Variants in DHX40 observed in about 807,000 individuals in gnomAD.
DHX40 encodes DEAH-box helicase 40.
DHX40 carries 28 observed loss-of-function variants against 89.6 expected under a neutral mutation model. The ratio of observed to expected loss-of-function variants is 0.31; its 90% CI spans 0.23 to 0.43. The LOEUF (loss-of-function observed/expected upper bound fraction) is 0.43, where lower values mean the gene tolerates loss of function less well. DHX40 is among the 20% of genes least tolerant of loss of function. The pLI, the probability that DHX40 is intolerant of heterozygous loss-of-function variation, is 1.00. For synonymous variants in DHX40, 226 were observed against 283.6 expected (o/e 0.80, Z 2.04); for missense variants, 457 against 844.0 (o/e 0.54, Z 5.68).
chr17:59,575,018 T>TG (rs2143233532), intron 6 of DHX40, among the ~76,000 whole-genome samples: 1 of 152,192 alleles, frequency 6.6e-6, no homozygotes, highest in Admixed American at 6.5e-5. Context: ...ATTTTGAAAT[T>TG]TAACCAAATG....
At position 59,573,829 on chromosome 17, in the gene DHX40, T is replaced by G; in HGVS notation, c.636T>G (p.Thr212=). Residue 212 remains threonine (T), a synonymous_variant, in exon 5 of 18, where the codon ACT becomes ACG. Transcript: ENST00000251241. ...EHLKVVVMSA[T]MELAKLSAFF... is the part of the protein sequence containing the mutation. The stretch of plus-strand genomic sequence containing the variant: ...TAAAAGTGGTGGTAATGTCAGCAAC[T>G]ATGGAATTAGCCAAGCTCTCTGCAT... 1 of 1,613,602 alleles carries G rather than the reference T, an allele frequency of 6.2e-7. No homozygotes were observed.
At chr17:59,590,703 C>A (rs2049070058) in intron 12 of DHX40, among the ~76,000 whole-genome samples, 1 of 151,752 alleles carries the variant, frequency 6.6e-6, no homozygotes, top group South Asian at 2.1e-4. Flanking sequence ...CTCCTGAGCT[C>A]AAGTGACCCA....
At chr17:59,600,536 G>A (rs905688495) in intron 14 of DHX40, among the ~76,000 whole-genome samples, 14 of 150,948 alleles carry the variant, frequency 9.3e-5, no homozygotes, top group Admixed American at 6.6e-4. Flanking sequence ...TCTTATTTTG[G>A]TAAAATAATT....
At chr17:59,601,524 T>A (rs1251035168) in intron 14 of DHX40, among the ~76,000 whole-genome samples, 1 of 152,180 alleles carries the variant, frequency 6.6e-6, no homozygotes, top group Non-Finnish European at 1.5e-5. Context: ...ATGTTGGATT[T>A]CAGTCTTTAA....
At chr17:59,569,722 T>TATATATATATATAAAAA (rs1488964961) in intron 2 of DHX40, among the ~76,000 whole-genome samples, 3 of 139,840 alleles carry the variant, frequency 2.1e-5, no homozygotes, top group Non-Finnish European at 4.5e-5. Context: ...TATATATATA[T>TATATATATATATAAAAA]ATAGATATAT....
intron 1 of DHX40, among the ~76,000 whole-genome samples, chr17:59,566,114 C>G (rs2048701276): frequency 6.6e-6 from 1 of 152,136 alleles, no homozygotes; most frequent in Admixed American, 6.5e-5. Context: ...GCCAGCCTGC[C>G]TTTGGGTACA....
intron 17 of DHX40, 127 bp downstream of exon 17, chr17:59,605,801 A>C (rs2030809253): frequency 1.1e-6 from 1 of 889,898 alleles, no homozygotes; most frequent in East Asian, 2.7e-5. Context: ...ATCTCTAGCA[A>C]AATAAAAATA....
At position 59,573,671 on chromosome 17, in the gene DHX40, G is replaced by A. The variant is rs1401201446; in HGVS notation, c.547-69G>A. ...AAATAGGAATTCCTTGGTTAGAATA[G>A]CAGTGTATCTAAAATAGTTTGGCTG... On this transcript the variant is annotated intron_variant, in intron 4 of 17. Coordinates refer to ENST00000251241, the MANE Select transcript of DHX40 (RefSeq NM_024612.5). The A allele has an allele frequency of 3.0e-5, 44 of 1,472,084 alleles. 1 individual carries two copies. The highest frequency in any genetic ancestry group is 2.6e-4 in the South Asian group (22 of 83,690). 91.2% of individuals were successfully genotyped at this position (1,472,084 alleles called of 1,614,324 possible). A position where few individuals can be genotyped will look rare whatever the true frequency, so the allele number is the denominator to read the frequency against.
At chr17:59,567,923 C>A (rs1055127220) in intron 2 of DHX40, among the ~76,000 whole-genome samples, 1 of 146,458 alleles carries the variant, frequency 6.8e-6, no homozygotes, top group Non-Finnish European at 1.5e-5. Context: ...CAGAGTGAGA[C>A]TCCGTCTCCA....
rs1356361614 is a variant in DHX40, at chr17:59,573,685, A to G, written c.547-55A>G. The stretch of plus-strand genomic sequence containing the variant: ...TGGTTAGAATAGCAGTGTATCTAAA[A>G]TAGTTTGGCTGTTAAGTGTACTTGT... On this transcript the variant is annotated intron_variant, in intron 4 of 17. Transcript: ENST00000251241. The G allele has an allele frequency of 2.6e-6, 4 of 1,561,196 alleles. No homozygotes were observed. In the African/African-American group the frequency reaches 5.5e-5, roughly 21 times the overall value.
intron 14 of DHX40, among the ~76,000 whole-genome samples, 172 bp from the exon 15 acceptor site, chr17:59,602,350 T>C (rs763847305): frequency 3.3e-5 from 5 of 152,242 alleles, no homozygotes; most frequent in Non-Finnish European, 7.3e-5. Flanking sequence ...TGGAAATCAT[T>C]ATTTCATGTA....
chr17:59,576,083 T>A (rs1207207154), intron 7 of DHX40, among the ~76,000 whole-genome samples: 2 of 149,118 alleles, frequency 1.3e-5, no homozygotes, highest in East Asian at 2.0e-4. Context: ...TTTTTTTTTT[T>A]AGCAGAGATG....
intron 10 of DHX40, among the ~76,000 whole-genome samples, chr17:59,580,766 G>A (rs1278290707): frequency 6.6e-6 from 1 of 151,156 alleles, no homozygotes; most frequent in Non-Finnish European, 1.5e-5. Context: ...GTCCAGCCTG[G>A]GCAACAGAGT....
chr17:59,604,769 G>A (rs1188363426), intron 15 of DHX40: 1 of 216,466 alleles, frequency 4.6e-6, no homozygotes, highest in Non-Finnish European at 9.4e-6. Flanking sequence ...CCATGCGTTA[G>A]CGCTGGTGAT....
At chr17:59,587,350 G>C (rs972163475) in intron 11 of DHX40, among the ~76,000 whole-genome samples, 3 of 149,534 alleles carry the variant, frequency 2.0e-5, no homozygotes, top group Admixed American at 2.0e-4. Context: ...CAGCCTCCCA[G>C]GTAGCTGGGA....
At chr17:59,605,207 A>G in intron 16 of DHX40, 23 bp downstream of exon 16, 1 of 1,608,658 alleles carries the variant, frequency 6.2e-7, no homozygotes, top group Non-Finnish European at 8.5e-7. Flanking sequence ...TTTTTAATAA[A>G]GGGAAGAAAT....
chr17:59,568,278 C>A (rs1018336087), intron 2 of DHX40, among the ~76,000 whole-genome samples: 1 of 152,014 alleles, frequency 6.6e-6, no homozygotes, highest in African/African-American at 2.4e-5. Context: ...TGTTTTTTGA[C>A]AAGTGTCATT....
chr17:59,567,846 G>A (rs1295091401), intron 2 of DHX40, among the ~76,000 whole-genome samples: 1 of 150,596 alleles, frequency 6.6e-6, no homozygotes, highest in African/African-American at 2.4e-5. Context: ...GCAGGAGAAT[G>A]GCATGAATCT....
chr17:59,588,663 C>G (rs952342647), intron 12 of DHX40, among the ~76,000 whole-genome samples: 5 of 151,912 alleles, frequency 3.3e-5, no homozygotes, highest in Non-Finnish European at 7.4e-5. Context: ...GAGGTCTTTG[C>G]ATATTTTAAA....
Sources: gnomAD v4.1 joint callset for allele counts (sites outside exome capture counted in the v4.1 genomes callset) on GRCh38, gnomAD v4.1.1 for gene constraint, MANE v1.5 for transcripts, NCBI Gene and HGNC (gene_info 2026-07-23, HGNC 2026-07-21) for gene names.